Variants in CWH43 observed in about 807,000 individuals in gnomAD.
CWH43 encodes the protein PGAP2-interacting protein.
A neutral mutation model predicts 85.7 loss-of-function variants in CWH43; 91 were observed. The observed-to-expected ratio is 1.06, with a 90% CI of 0.90 to 1.26. The LOEUF (loss-of-function observed/expected upper bound fraction) is 1.26, where lower values mean the gene tolerates loss of function less well. Among genes scored for constraint, CWH43 ranks in the 50% most tolerant of loss-of-function variants. The pLI, the probability that CWH43 is intolerant of heterozygous loss-of-function variation, is 0.00. For synonymous variants in CWH43, 323 were observed against 293.6 expected (o/e 1.10, Z -1.02); for missense variants, 869 against 839.2 (o/e 1.04, Z -0.44).
chr4:49,033,456 T>C (rs1214544892), intron 12 of CWH43, among the ~76,000 whole-genome samples: 1 of 152,060 alleles, frequency 6.6e-6, no homozygotes, highest in Non-Finnish European at 1.5e-5. Flanking sequence ...CTCTCCTTGA[T>C]GGAAAGAAGA....
chr4:49,005,721 T>C (rs1308285961), intron 7 of CWH43, among the ~76,000 whole-genome samples: 1 of 151,950 alleles, frequency 6.6e-6, no homozygotes, highest in African/African-American at 2.4e-5. Context: ...TGTTGTTTTT[T>C]GTAGAGATGG....
At chr4:49,060,526 G>A (rs1785119957) in intron 15 of CWH43, among the ~76,000 whole-genome samples, 1 of 152,086 alleles carries the variant, frequency 6.6e-6, no homozygotes, top group Admixed American at 6.6e-5. Context: ...ACCTGGTGCT[G>A]GAGTCTGTGG....
chr4:49,048,294 ACT>A (rs1784691600), intron 14 of CWH43, among the ~76,000 whole-genome samples: 1 of 150,022 alleles, frequency 6.7e-6, no homozygotes, highest in Non-Finnish European at 1.5e-5. Flanking sequence ...ATATATACAC[ACT>A]CTGTGTGTGT....
At chr4:49,052,032 C>T (rs1784815263) in intron 15 of CWH43, among the ~76,000 whole-genome samples, 1 of 152,156 alleles carries the variant, frequency 6.6e-6, no homozygotes, top group South Asian at 2.1e-4. Context: ...GACATTTCTA[C>T]CGCTTTTACC....
At chr4:49,014,400 A>T (rs1481434566) in intron 8 of CWH43, among the ~76,000 whole-genome samples, 2 of 150,138 alleles carry the variant, frequency 1.3e-5, no homozygotes, top group African/African-American at 5.0e-5. Context: ...TGGGAGGTCA[A>T]GGCTGCAGTG....
At chr4:49,032,821 C>G in intron 12 of CWH43, 106 bp downstream of exon 12, 2 of 1,379,674 alleles carry the variant, frequency 1.4e-6, no homozygotes, top group Non-Finnish European at 2.0e-6. Flanking sequence ...TCTTTTTTAC[C>G]TCCCAAAGTA....
chr4:49,009,969 A>G (rs1056568257), intron 8 of CWH43, among the ~76,000 whole-genome samples: 1 of 152,208 alleles, frequency 6.6e-6, no homozygotes, highest in Non-Finnish European at 1.5e-5. Context: ...AAGCTTTGGT[A>G]TCAGGATGAT....
At chr4:49,027,577 G>A (rs1783954909) in intron 9 of CWH43, among the ~76,000 whole-genome samples, 1 of 152,106 alleles carries the variant, frequency 6.6e-6, no homozygotes, top group African/African-American at 2.4e-5. Flanking sequence ...CATAGTAGGT[G>A]TATATATTTT....
At chr4:48,997,811 T>G (rs1020862293) in intron 5 of CWH43, among the ~76,000 whole-genome samples, 1 of 152,228 alleles carries the variant, frequency 6.6e-6, no homozygotes, top group Non-Finnish European at 1.5e-5. Context: ...GGGGAAAATC[T>G]TAAAATAGTG....
At chr4:49,014,524 T>G (rs1404974866) in intron 8 of CWH43, among the ~76,000 whole-genome samples, 4 of 152,094 alleles carry the variant, frequency 2.6e-5, no homozygotes, top group South Asian at 4.1e-4. Context: ...GAGATTTTTT[T>G]TGTGTGTTTT....
intron 12 of CWH43, among the ~76,000 whole-genome samples, chr4:49,034,001 G>A (rs1324644904): frequency 2.0e-5 from 3 of 152,070 alleles, no homozygotes; most frequent in African/African-American, 4.8e-5. Flanking sequence ...ATGTGAATCC[G>A]TGAAAGCATA....
chr4:48,989,114 T>G (rs748931160), intron 2 of CWH43, among the ~76,000 whole-genome samples: 2 of 152,230 alleles, frequency 1.3e-5, no homozygotes, highest in Admixed American at 1.3e-4. Context: ...AAGGGCTAAT[T>G]TCTCTTATAT....
intron 4 of CWH43, 113 bp from the exon 5 acceptor site, chr4:48,994,506 A>G: frequency 1.2e-6 from 1 of 835,434 alleles, no homozygotes; most frequent in Admixed American, 2.4e-5. Context: ...CCTCTTCCGA[A>G]GTAAGCTTCT....
intron 8 of CWH43, among the ~76,000 whole-genome samples, chr4:49,010,892 C>A (rs1024882360): frequency 2.0e-5 from 3 of 152,068 alleles, no homozygotes; most frequent in African/African-American, 7.2e-5. Context: ...TGCTTTACTT[C>A]CATTTATGTG....
At chr4:49,007,428 T>C in intron 8 of CWH43, 102 bp downstream of exon 8, 2 of 1,273,346 alleles carry the variant, frequency 1.6e-6, no homozygotes, top group Non-Finnish European at 2.0e-6. Context: ...TCATCCTGTT[T>C]CAGCAATTCT....
intron 12 of CWH43, among the ~76,000 whole-genome samples, chr4:49,034,192 T>A (rs1784191260): frequency 6.6e-6 from 1 of 152,216 alleles, no homozygotes. Context: ...GAAGAAATGC[T>A]TTCTTTTTTT....
chr4:49,009,726 G>A (rs1414621593), intron 8 of CWH43, among the ~76,000 whole-genome samples: 1 of 152,130 alleles, frequency 6.6e-6, no homozygotes, highest in African/African-American at 2.4e-5. Context: ...TGCATCTATT[G>A]AGATAATCAC....
At chr4:49,052,472 T>G (rs1784829136) in intron 15 of CWH43, among the ~76,000 whole-genome samples, 1 of 152,220 alleles carries the variant, frequency 6.6e-6, no homozygotes, top group South Asian at 2.1e-4. Context: ...AATAGCAACA[T>G]TAGTATTTGC....
At chr4:49,030,393 C>T (rs1784056877) in intron 10 of CWH43, among the ~76,000 whole-genome samples, 1 of 152,164 alleles carries the variant, frequency 6.6e-6, no homozygotes, top group Non-Finnish European at 1.5e-5. Context: ...TGATTACAGG[C>T]TTCCAAGGCA....
Sources: allele counts gnomAD v4.1 joint callset (sites outside exome capture counted in the v4.1 genomes callset), GRCh38; gene constraint gnomAD v4.1.1; transcripts MANE v1.5; gene names NCBI Gene and HGNC (gene_info 2026-07-23, HGNC 2026-07-21).